Variants in ZNF385D observed in about 807,000 individuals in gnomAD.
The protein encoded by ZNF385D is zinc finger protein 659.
In ZNF385D, 15 loss-of-function variants were observed where a neutral mutation model predicts 35.8. The ratio of observed to expected loss-of-function variants is 0.42; its 90% CI spans 0.28 to 0.64. The LOEUF (loss-of-function observed/expected upper bound fraction) is 0.64. Among genes scored for constraint, ZNF385D ranks in the 30% least tolerant of loss-of-function variants. The pLI is 0.23. For synonymous variants in ZNF385D, 212 were observed against 186.8 expected (o/e 1.13, Z -1.10); for missense variants, 474 against 494.6 (o/e 0.96, Z 0.39).
chr3:21,570,887 C>T (rs1406950165), intron 2 of ZNF385D, among the ~76,000 whole-genome samples: 1 of 152,008 alleles, frequency 6.6e-6, no homozygotes, highest in African/African-American at 2.4e-5. Context: ...ATTACATTGA[C>T]TTTGACTTAG....
intron 3 of ZNF385D, among the ~76,000 whole-genome samples, chr3:21,802,704 C>A (rs921757875): frequency 2.0e-5 from 3 of 152,178 alleles, no homozygotes; most frequent in African/African-American, 7.2e-5. Flanking sequence ...TACAATCTCA[C>A]TATCTGTGTG....
At chr3:22,082,992 G>A (rs1259254009) in intron 3 of ZNF385D, among the ~76,000 whole-genome samples, 1 of 152,226 alleles carries the variant, frequency 6.6e-6, no homozygotes, top group African/African-American at 2.4e-5. Context: ...GATGCTGACT[G>A]TTAGAAGAAA....
At chr3:22,349,029 A>G (rs1695795744) in intron 2 of ZNF385D, among the ~76,000 whole-genome samples, 1 of 152,196 alleles carries the variant, frequency 6.6e-6, no homozygotes, top group African/African-American at 2.4e-5. Context: ...TGATCTAAGC[A>G]ATTAATTTTA....
At chr3:21,967,705 G>A (rs1013310430) in intron 3 of ZNF385D, among the ~76,000 whole-genome samples, 1 of 152,174 alleles carries the variant, frequency 6.6e-6, no homozygotes, top group African/African-American at 2.4e-5. Context: ...ACAGGGCTGG[G>A]GAAACAACAA....
At chr3:22,244,592 C>T (rs1213043195) in intron 2 of ZNF385D, among the ~76,000 whole-genome samples, 1 of 150,788 alleles carries the variant, frequency 6.6e-6, no homozygotes, top group Non-Finnish European at 1.5e-5. Context: ...CTTTCAAGTA[C>T]ATCAGCTCTC....
At chr3:22,015,140 G>T (rs1016060479) in intron 3 of ZNF385D, among the ~76,000 whole-genome samples, 22 of 151,980 alleles carry the variant, frequency 1.4e-4, no homozygotes, top group African/African-American at 3.6e-4. Context: ...AGATACTAAA[G>T]AATTATTTCC....
At chr3:21,443,371 T>A in intron 4 of ZNF385D, 1 of 984,502 alleles carries the variant, frequency 1.0e-6, no homozygotes, top group South Asian at 4.7e-5. Flanking sequence ...TATTTAGATA[T>A]ATGGCATATA....
intron 2 of ZNF385D, among the ~76,000 whole-genome samples, chr3:22,298,499 AATATACATAAAACATTTATATATAATAT>A (rs1359199952): frequency 5.1e-4 from 74 of 146,224 alleles, no homozygotes; most frequent in South Asian, 1.5e-3. Context: ...ATAATATATA[AATATACATAAAACATTTATATATAATAT>A]ATATACATAA....
rs147006075 is a variant in ZNF385D, at chr3:21,982,388, G to A, written c.325+186429C>T. ...TTCTGATTTGGCTCTTGGTTTGGCT[G>A]TTGTTGGTGTCTAGGAATGCTAAGT... On this transcript the variant is annotated intron_variant, in intron 3 of 5. Transcript: ENST00000494108. Among the ~76,000 whole-genome samples, 1,466 of 152,210 alleles carry A rather than the reference G, an allele frequency of 9.6e-3. 28 individuals carry two copies. The highest frequency in any genetic ancestry group is 0.032 in the African/African-American group (1,345 of 41,530).
At position 22,282,569 on chromosome 3, in the gene ZNF385D, A is replaced by G. The variant is rs368842659; in HGVS notation, c.106+89881T>C. Among the ~76,000 whole-genome samples, 35 of 152,060 alleles carry G rather than the reference A, an allele frequency of 2.3e-4. 2 individuals carry two copies. The South Asian group carries it at 6.6e-3, about 29-fold the overall frequency. ...GGATTCCTTTTGGAGTTGATTTCCA[A>G]TTTTATTCCACTGTGGTCTGAGAGA... On this transcript the variant is annotated intron_variant, in intron 2 of 5. Transcript: ENST00000494108.
At chr3:21,608,023 G>GGTTTTTTTTTGGTTTTTTT in intron 2 of ZNF385D, among the ~76,000 whole-genome samples, 1 of 120,220 alleles carries the variant, frequency 8.3e-6, no homozygotes, top group South Asian at 2.9e-4. Flanking sequence ...TTTTTTTTTT[G>GGTTTTTTTTTGGTTTTTTT]TTTTTTTTTT....
chr3:22,004,929 T>A (rs1241854818), intron 3 of ZNF385D, among the ~76,000 whole-genome samples: 1 of 152,038 alleles, frequency 6.6e-6, no homozygotes, highest in Non-Finnish European at 1.5e-5. Context: ...TGGGCACACG[T>A]CATCAGGACT....
At chr3:22,175,325 T>C (rs970106326) in intron 2 of ZNF385D, among the ~76,000 whole-genome samples, 6 of 151,822 alleles carry the variant, frequency 4.0e-5, no homozygotes, top group South Asian at 2.1e-4. Flanking sequence ...ATATATAAAG[T>C]AAAAAGAGAA....
At chr3:21,970,752 C>A (rs973324175) in intron 3 of ZNF385D, among the ~76,000 whole-genome samples, 5 of 151,770 alleles carry the variant, frequency 3.3e-5, no homozygotes, top group Admixed American at 3.3e-4. Context: ...AGGAAGACTG[C>A]CTGAAGGCAT....
chr3:22,280,748 G>C (rs143740171), intron 2 of ZNF385D, among the ~76,000 whole-genome samples: 1 of 151,920 alleles, frequency 6.6e-6, no homozygotes, highest in Non-Finnish European at 1.5e-5. Context: ...AGCTATGCAG[G>C]CACTTTTTTG....
chr3:22,087,103 C>T (rs537894796), intron 3 of ZNF385D, among the ~76,000 whole-genome samples: 112 of 152,156 alleles, frequency 7.4e-4, no homozygotes, highest in African/African-American at 2.5e-3. Context: ...ATTTTCTGAT[C>T]GGAGCATGTT....
At chr3:21,902,819 A>C (rs986195345) in intron 3 of ZNF385D, among the ~76,000 whole-genome samples, 2 of 152,188 alleles carry the variant, frequency 1.3e-5, no homozygotes, top group African/African-American at 2.4e-5. Flanking sequence ...CACATTGTGT[A>C]CATGTACCCT....
chr3:21,995,731 G>T (rs1252819662), intron 3 of ZNF385D, among the ~76,000 whole-genome samples: 1 of 151,902 alleles, frequency 6.6e-6, no homozygotes, highest in African/African-American at 2.4e-5. Flanking sequence ...CCCCAGAATG[G>T]TGCCCAAGAG....
intron 2 of ZNF385D, among the ~76,000 whole-genome samples, chr3:21,627,810 A>G (rs928070093): frequency 6.6e-6 from 1 of 152,132 alleles, no homozygotes; most frequent in African/African-American, 2.4e-5. Context: ...TCATCGTCCC[A>G]GTCACTTATA....
Sources: gnomAD v4.1 joint callset for allele counts (sites outside exome capture counted in the v4.1 genomes callset) on GRCh38, gnomAD v4.1.1 for gene constraint, MANE v1.5 for transcripts, NCBI Gene and HGNC (gene_info 2026-07-23, HGNC 2026-07-21) for gene names.